Variants in PCNX2 observed in about 807,000 individuals in gnomAD.
The protein encoded by PCNX2 is pecanex-like protein 2.
PCNX2 carries 168 observed loss-of-function variants against 223.8 expected under a neutral mutation model. That is an observed-to-expected ratio of 0.75 (90% CI 0.66 to 0.85). The LOEUF (loss-of-function observed/expected upper bound fraction) is 0.85. Among genes scored for constraint, PCNX2 ranks in the 40% least tolerant of loss-of-function variants. The probability of loss-of-function intolerance (pLI) is 0.00; values close to 1 mark genes in which losing one functional copy is unlikely to be tolerated. For synonymous variants in PCNX2, 1,006 were observed against 1,052.6 expected, an observed-to-expected ratio of 0.96 and a Z score of 0.86; for missense variants, 2,507 against 2,675.5, an observed-to-expected ratio of 0.94 and a Z score of 1.39.
intron 17 of PCNX2, among the ~76,000 whole-genome samples, chr1:233,176,859 C>A (rs902893374): frequency 1.3e-5 from 2 of 152,016 alleles, no homozygotes; most frequent in Admixed American, 6.5e-5. Flanking sequence ...TAAAAAAATA[C>A]AAAAAATTAG....
In PCNX2 at chr1:233,127,259, G is replaced by A. The variant is rs370989301; in HGVS notation, c.3837+7754C>T. 2.2e-3 allele frequency among the ~76,000 whole-genome samples: 336 copies of A among 152,220 alleles called. 1 individual carries two copies. Among genetic ancestry groups the A allele is most frequent in the African/African-American group, 7.7e-3 (319 of 41,512 alleles). On this transcript the variant is annotated intron_variant, in intron 21 of 33. Coordinates refer to ENST00000258229, the MANE Select transcript of PCNX2 (RefSeq NM_014801.4). ...GAGATCCATCTCATAGACATCTCCA[G>A]GTTCATCTCTCACTTTCCCAACCAT...
At chr1:233,302,501 C>G in the PCNX2 span, among the ~76,000 whole-genome samples, 1 of 151,830 alleles carries the variant, frequency 6.6e-6, no homozygotes, top group Non-Finnish European at 1.5e-5. Flanking sequence ...GCTTTTTCAT[C>G]TTCTTTATCA....
At chr1:233,270,700 G>A (rs1236338186) in intron 1 of PCNX2, among the ~76,000 whole-genome samples, 2 of 152,220 alleles carry the variant, frequency 1.3e-5, no homozygotes, top group African/African-American at 4.8e-5. Flanking sequence ...TGGGTTTGCT[G>A]TCTGTTTCTT....
chr1:233,263,309 A>G, intron 1 of PCNX2, 146 bp from the exon 2 acceptor site: 1 of 721,478 alleles, frequency 1.4e-6, no homozygotes, highest in Non-Finnish European at 2.1e-6. Flanking sequence ...TCCTGGTTAA[A>G]ATACTTGAGG....
At chr1:233,196,426 G>C (rs200164060) in intron 15 of PCNX2, among the ~76,000 whole-genome samples, 1 of 150,548 alleles carries the variant, frequency 6.6e-6, no homozygotes, top group Non-Finnish European at 1.5e-5. Flanking sequence ...AAAATGAGAA[G>C]ACAAGCCACA....
chr1:233,080,401 A>AACACACACACACAC (rs10611197), intron 23 of PCNX2, among the ~76,000 whole-genome samples: 1 of 140,516 alleles, frequency 7.1e-6, no homozygotes, highest in Non-Finnish European at 1.6e-5. Flanking sequence ...CACACACACA[A>AACACACACACACAC]ACACACACAC....
chr1:233,212,263 A>G (rs987710839), intron 12 of PCNX2, among the ~76,000 whole-genome samples: 5 of 152,224 alleles, frequency 3.3e-5, no homozygotes, highest in African/African-American at 1.2e-4. Flanking sequence ...CACACTTTGT[A>G]TATACAAGAG....
chr1:233,082,684 C>G (rs1673416054), intron 23 of PCNX2, among the ~76,000 whole-genome samples: 3 of 152,194 alleles, frequency 2.0e-5, no homozygotes, highest in Admixed American at 6.5e-5. Flanking sequence ...TTGAGAAGCT[C>G]AATGCTTTGC....
intron 24 of PCNX2, among the ~76,000 whole-genome samples, chr1:233,054,961 C>T (rs548977406): frequency 9.9e-5 from 15 of 152,228 alleles, no homozygotes; most frequent in Admixed American, 3.9e-4. Flanking sequence ...ATATAACCAG[C>T]GCTTAGAATA....
At chr1:233,077,846 A>AG (rs2102915987) in intron 23 of PCNX2, among the ~76,000 whole-genome samples, 2 of 151,818 alleles carry the variant, frequency 1.3e-5, no homozygotes, top group South Asian at 4.1e-4. Context: ...GGGAGCATCT[A>AG]TTTAGTTTAC....
intron 22 of PCNX2, among the ~76,000 whole-genome samples, chr1:233,091,475 G>A (rs780895442): frequency 4.6e-5 from 7 of 152,024 alleles, no homozygotes; most frequent in Non-Finnish European, 8.8e-5. Context: ...TGGAAGTGGG[G>A]ATTCCCTAAC....
intron 9 of PCNX2, among the ~76,000 whole-genome samples, chr1:233,235,957 A>AAAAATATATATATATATAT (rs369886650): frequency 6.0e-4 from 56 of 93,074 alleles, no homozygotes; most frequent in South Asian, 1.0e-3. Flanking sequence ...CATAAAAAAA[A>AAAAATATATATATATATAT]ATATATATAT....
At chr1:233,244,257 G>A (rs1006866645) in intron 8 of PCNX2, among the ~76,000 whole-genome samples, 1 of 152,186 alleles carries the variant, frequency 6.6e-6, no homozygotes, top group African/African-American at 2.4e-5. Context: ...AAATATCAGT[G>A]CTGGAATTTG....
the PCNX2 span, among the ~76,000 whole-genome samples, chr1:233,305,329 T>G: frequency 6.6e-6 from 1 of 152,208 alleles, no homozygotes; most frequent in African/African-American, 2.4e-5. Flanking sequence ...TGGAGTTATA[T>G]TGTTAGTTTT....
the PCNX2 span, among the ~76,000 whole-genome samples, chr1:233,324,598 AT>A: frequency 3.2e-3 from 411 of 127,520 alleles, no homozygotes; most frequent in African/African-American, 4.8e-3. Flanking sequence ...GTTTACTGAA[AT>A]TTTTTTTTTT....
chr1:233,134,030 G>C lies in PCNX2; in HGVS notation c.3837+983C>G, dbSNP rs555315719. Among the ~76,000 whole-genome samples the C allele has an allele frequency of 2.8e-4, 43 of 152,170 alleles. No homozygotes were observed. In the South Asian group the frequency reaches 3.3e-3, roughly 12 times the overall value. On this transcript the variant is annotated intron_variant, in intron 21 of 33. Transcript: ENST00000258229. ...GGAAGAGGTAAGTAATAGAAATAAA[G>C]ATGAACAGAACTGATTAAGAGGTGA...
At chr1:233,019,165 T>C (rs1670788604) in intron 26 of PCNX2, 3 of 985,418 alleles carry the variant, frequency 3.0e-6, no homozygotes, top group Non-Finnish European at 3.6e-6. Context: ...TGACTTAGGC[T>C]CTCTGCTGTG....
At chr1:233,166,589 A>G (rs1678811818) in intron 17 of PCNX2, among the ~76,000 whole-genome samples, 1 of 152,198 alleles carries the variant, frequency 6.6e-6, no homozygotes, top group Non-Finnish European at 1.5e-5. Context: ...CGCTTCACTG[A>G]AGGAGATATA....
In PCNX2 at chr1:233,126,938, T is replaced by C. The variant is rs1260295807; in HGVS notation, c.3837+8075A>G. On this transcript the variant is annotated intron_variant, in intron 21 of 33. Coordinates refer to ENST00000258229, the MANE Select transcript of PCNX2 (RefSeq NM_014801.4). The surrounding 1 kb of genome is among the most constrained non-coding windows in gnomAD (Gnocchi z 4.8). ...GAGGTGGCTTTCACCTGCACTGCAC[T>C]CTCCCCCGTATCTATCTGATCACTA... 6.6e-6 allele frequency among the ~76,000 whole-genome samples: 1 copy of C among 151,888 alleles called. No individual in the cohort carries two copies. The highest frequency in any genetic ancestry group is 1.9e-4 in the East Asian group (1 of 5,148).
Sources: allele counts gnomAD v4.1 joint callset (sites outside exome capture counted in the v4.1 genomes callset), GRCh38; gene constraint gnomAD v4.1.1; non-coding constraint Gnocchi (gnomAD v3.1); transcripts MANE v1.5; gene names NCBI Gene and HGNC (gene_info 2026-07-23, HGNC 2026-07-21).